The following NRXN3 variants were observed in gnomAD, a reference collection of about 807,000 sequenced individuals.
NRXN3 encodes neurexin 3, also known as neurexin III.
NRXN3 carries 32 observed loss-of-function variants against 137.6 expected under a neutral mutation model. That is an observed-to-expected ratio of 0.23 (90% CI 0.18 to 0.31). NRXN3 has a LOEUF of 0.31. NRXN3 is among the 10% of genes least tolerant of loss of function. NRXN3 has a pLI of 1.00. For missense variants in NRXN3, 1,574 were observed against 2,062.5 expected, an observed-to-expected ratio of 0.76 and a Z score of 4.59; for synonymous variants, 798 against 784.5, an observed-to-expected ratio of 1.02 and a Z score of -0.29.
chr14:78,884,175 A>T (rs948511302), intron 10 of NRXN3, among the ~76,000 whole-genome samples: 2 of 152,156 alleles, frequency 1.3e-5, no homozygotes, highest in Non-Finnish European at 2.9e-5. Context: ...CCCAGAACAA[A>T]TCTCTGTGTT....
chr14:78,976,219 G>A (rs2099465455), intron 14 of NRXN3, among the ~76,000 whole-genome samples: 2 of 152,074 alleles, frequency 1.3e-5, no homozygotes, highest in African/African-American at 4.8e-5. Flanking sequence ...ACTCTTTTTT[G>A]TATTAGGTGA....
Position 79,863,811 on chromosome 14 carries a change from G to C in NRXN3, c.*1847G>C, listed in dbSNP as rs1603620722. On this transcript the variant is annotated 3_prime_UTR_variant, in exon 21 of 21. Transcript: ENST00000335750. Reference sequence around the variant, plus strand: ...TCAGATATACAATTTCTTTTGTACAGATGAAAATCAATCAGCTGCTTAGAT... The same window carrying C: ...TCAGATATACAATTTCTTTTGTACACATGAAAATCAATCAGCTGCTTAGAT... 1 of 152,596 alleles carries C rather than the reference G, an allele frequency of 6.6e-6. No homozygotes were observed. The highest frequency in any genetic ancestry group is 1.9e-4 in the East Asian group (1 of 5,192). The allele number at this position is 152,596 out of a possible 1,614,324, so 9.5% of individuals were successfully genotyped here. A position where few individuals can be genotyped will look rare whatever the true frequency, so the allele number is the denominator to read the frequency against.
intron 4 of NRXN3, among the ~76,000 whole-genome samples, chr14:78,420,245 A>G (rs8020400): frequency 0.024 from 3,609 of 152,286 alleles, 68 homozygotes; most frequent in Non-Finnish European, 0.034. Flanking sequence ...ACAAATATAT[A>G]TTTTTTAAAT....
rs2099059531 is a variant in NRXN3, at chr14:78,857,109, G to C, written c.2275+46765G>C. Among the ~76,000 whole-genome samples the C allele has an allele frequency of 2.0e-5, 3 of 151,892 alleles. No individual in the cohort carries two copies. The South Asian group carries it at 6.2e-4, about 32-fold the overall frequency. ...AAAATGTTTTCATGCTACACATCAAGTATAAAACTCTTCAGGCCAGACTCC... is the reference window on the plus strand; with the variant it reads ...AAAATGTTTTCATGCTACACATCAACTATAAAACTCTTCAGGCCAGACTCC... On this transcript the variant is annotated intron_variant, in intron 10 of 20. Transcript: ENST00000335750.
At chr14:79,151,056 G>T (rs1258829830) in intron 15 of NRXN3, among the ~76,000 whole-genome samples, 1 of 152,008 alleles carries the variant, frequency 6.6e-6, no homozygotes, top group Non-Finnish European at 1.5e-5. Context: ...GGCTCTGAAA[G>T]AATTTTAGGT....
chr14:79,006,079 G>A (rs1443631815), intron 15 of NRXN3, among the ~76,000 whole-genome samples: 1 of 152,196 alleles, frequency 6.6e-6, no homozygotes. Flanking sequence ...GCAAGTGTGT[G>A]ATATGCCCAA....
Position 79,867,622 on chromosome 14 carries a change from C to A in NRXN3, c.*5658C>A, listed in dbSNP as rs772516438. Reference sequence around the variant, plus strand: ...ACAGTCATGTTTGGGGTTGGGACTTCAACATATGAATGTTGGAGGGGATAT... The same window carrying A: ...ACAGTCATGTTTGGGGTTGGGACTTAAACATATGAATGTTGGAGGGGATAT... On this transcript the variant is annotated 3_prime_UTR_variant, in exon 21 of 21. Coordinates refer to ENST00000335750, the MANE Select transcript of NRXN3 (RefSeq NM_001330195.2). 1.3e-5 allele frequency: 2 copies of A among 152,128 alleles called. No individual in the cohort carries two copies. Among genetic ancestry groups the A allele is most frequent in the African/African-American group, 4.8e-5 (2 of 41,410 alleles). 9.4% of individuals were successfully genotyped at this position (152,128 alleles called of 1,614,324 possible).
intron 4 of NRXN3, among the ~76,000 whole-genome samples, chr14:78,578,676 T>C (rs551169882): frequency 3.0e-4 from 45 of 152,206 alleles, no homozygotes; most frequent in African/African-American, 1.1e-3. Flanking sequence ...ACCAAAAAGA[T>C]GTTAGCATCT....
At chr14:79,465,639 A>G (rs1176661178) in intron 15 of NRXN3, among the ~76,000 whole-genome samples, 1 of 152,232 alleles carries the variant, frequency 6.6e-6, no homozygotes, top group Non-Finnish European at 1.5e-5. Flanking sequence ...TTTGGTCAAC[A>G]TAATTCTACC....
At chr14:79,243,967 T>C (rs954053458) in intron 15 of NRXN3, among the ~76,000 whole-genome samples, 2 of 152,170 alleles carry the variant, frequency 1.3e-5, no homozygotes, top group African/African-American at 4.8e-5. Context: ...TATCATTAAC[T>C]ACGGTGTTTC....
chr14:78,243,914 C>G lies in NRXN3; in HGVS notation c.709+112C>G, dbSNP rs924995608. 2.6e-6 allele frequency: 2 copies of G among 771,274 alleles called. No individual in the cohort carries two copies. Among genetic ancestry groups the G allele is most frequent in the Non-Finnish European group, 2.1e-6 (1 of 483,610 alleles). The allele number at this position is 771,274 out of a possible 1,614,324, so 47.8% of individuals were successfully genotyped here. A position where few individuals can be genotyped will look rare whatever the true frequency, so the allele number is the denominator to read the frequency against. ...GCATATCTTTAGCTGCATGTTAGAT[C>G]ACTGGGCCCCTTGCCCTAAGGAGGC... On this transcript the variant is annotated intron_variant, in intron 2 of 20. Transcript: ENST00000335750. This position sits in a 1 kb window ranked among gnomAD's most constrained non-coding sequence, Gnocchi z 4.2.
chr14:78,567,565 T>C (rs371366619), intron 4 of NRXN3, among the ~76,000 whole-genome samples: 1 of 152,156 alleles, frequency 6.6e-6, no homozygotes, highest in Non-Finnish European at 1.5e-5. Context: ...TTAAAGCTAA[T>C]GGGGCTCCCC....
chr14:79,516,851 C>T lies in NRXN3; in HGVS notation c.3444+49449C>T, dbSNP rs754692979. On this transcript the variant is annotated intron_variant, in intron 16 of 20. Transcript: ENST00000335750. ...AACAAAGAGAAATTCTTTTTTTTTA[C>T]AGCTCTGTCATATTTCATTGAATGA... is the stretch of plus-strand genomic sequence containing the variant. 2.1e-4 allele frequency among the ~76,000 whole-genome samples: 32 copies of T among 151,952 alleles called. 1 individual carries two copies. The highest frequency in any genetic ancestry group is 3.1e-4 in the Non-Finnish European group (21 of 67,978).
At chr14:79,243,920 A>G (rs1321841277) in intron 15 of NRXN3, among the ~76,000 whole-genome samples, 1 of 152,148 alleles carries the variant, frequency 6.6e-6, no homozygotes, top group African/African-American at 2.4e-5. Flanking sequence ...CCCTGCTCTC[A>G]GGCTCCAGAT....
chr14:79,500,979 G>T (rs1229380956), intron 16 of NRXN3, among the ~76,000 whole-genome samples: 1 of 151,970 alleles, frequency 6.6e-6, no homozygotes, highest in Non-Finnish European at 1.5e-5. Flanking sequence ...AAGAGATAGG[G>T]TTTCTACCAA....
intron 3 of NRXN3, among the ~76,000 whole-genome samples, chr14:78,288,187 C>T (rs556628763): frequency 6.0e-4 from 91 of 152,266 alleles, no homozygotes; most frequent in Non-Finnish European, 1.1e-3. Context: ...GCCATGTTGG[C>T]CAAGCTGGTC....
chr14:78,779,410 A>G (rs74064963), intron 8 of NRXN3, among the ~76,000 whole-genome samples: 2,077 of 152,230 alleles, frequency 0.014, 50 homozygotes, highest in African/African-American at 0.047. Flanking sequence ...CAGCAAACAT[A>G]TATTTACATT....
intron 3 of NRXN3, among the ~76,000 whole-genome samples, chr14:78,290,872 G>A (rs2075742223): frequency 2.6e-5 from 4 of 152,126 alleles, no homozygotes; most frequent in South Asian, 2.1e-4. Context: ...GACAGTATCC[G>A]TGACTGAGGA....
chr14:78,714,715 G>A, intron 7 of NRXN3, 41 bp from the exon 8 acceptor site: 1 of 1,596,110 alleles, frequency 6.3e-7, no homozygotes, highest in Non-Finnish European at 8.6e-7. Context: ...ATTTGGTTAA[G>A]CAACTGGCAG....
Sources: allele counts gnomAD v4.1 joint callset (sites outside exome capture counted in the v4.1 genomes callset), GRCh38; gene constraint gnomAD v4.1.1; non-coding constraint Gnocchi (gnomAD v3.1); transcripts MANE v1.5; gene names NCBI Gene and HGNC (gene_info 2026-07-23, HGNC 2026-07-21).